The following ADGRL2 variants were observed in gnomAD, a reference collection of about 807,000 sequenced individuals.
ADGRL2 encodes the protein calcium-independent alpha-latrotoxin receptor 2.
A neutral mutation model predicts 157.4 loss-of-function variants in ADGRL2; 44 were observed. The ratio of observed to expected loss-of-function variants is 0.28; its 90% confidence interval spans 0.22 to 0.36. The LOEUF (loss-of-function observed/expected upper bound fraction) is 0.36, where lower values mean the gene tolerates loss of function less well. ADGRL2 is among the 10% of genes least tolerant of loss of function. The pLI, the probability that ADGRL2 is intolerant of heterozygous loss-of-function variation, is 1.00. For missense variants in ADGRL2, 1,510 were observed against 1,768.9 expected (o/e 0.85, Z 2.63); for synonymous variants, 585 against 624.7 (o/e 0.94, Z 0.95).
chr1:81,818,826 T>C (rs1557702705), intron 1 of ADGRL2, among the ~76,000 whole-genome samples: 1 of 151,694 alleles, frequency 6.6e-6, no homozygotes, highest in Non-Finnish European at 1.5e-5. Context: ...TCAAAATGAG[T>C]GGTATGGAAA....
chr1:81,969,170 A>C lies in ADGRL2; in HGVS notation c.2524-8A>C, dbSNP rs772906545. Reference sequence around the variant, plus strand: ...ATACTAATGTTCCTCATATCTTTTTATTTTCAGTATAAAGATGGCGTTCAT... The same window carrying C: ...ATACTAATGTTCCTCATATCTTTTTCTTTTCAGTATAAAGATGGCGTTCAT... On this transcript the variant is annotated splice_region_variant and splice_polypyrimidine_tract_variant and intron_variant, in intron 14 of 23. Coordinates refer to ENST00000686636, the MANE Select transcript of ADGRL2 (RefSeq NM_001366006.2). The C allele has an allele frequency of 6.2e-7, 1 of 1,601,052 alleles. No individual in the cohort carries two copies. Among genetic ancestry groups the C allele is most frequent in the South Asian group, 1.1e-5 (1 of 90,748 alleles).
At chr1:81,424,904 A>C (rs935558322) in intron 1 of ADGRL2, among the ~76,000 whole-genome samples, 1 of 152,204 alleles carries the variant, frequency 6.6e-6, no homozygotes, top group Admixed American at 6.5e-5. Flanking sequence ...AATTAATAAC[A>C]CTAGTAGCTA....
chr1:81,896,470 A>G (rs114022983), intron 2 of ADGRL2, among the ~76,000 whole-genome samples: 1,963 of 152,240 alleles, frequency 0.013, 44 homozygotes, highest in African/African-American at 0.044. Context: ...TGAAAATGTC[A>G]TCTTTGTCCT....
At chr1:81,431,914 T>C (rs910038751) in intron 1 of ADGRL2, among the ~76,000 whole-genome samples, 1 of 152,212 alleles carries the variant, frequency 6.6e-6, no homozygotes, top group Non-Finnish European at 1.5e-5. Context: ...ATTGGGCTTT[T>C]TACCTCTCTT....
chr1:81,413,968 A>G (rs2076992481), intron 1 of ADGRL2, among the ~76,000 whole-genome samples: 1 of 149,006 alleles, frequency 6.7e-6, no homozygotes, highest in Non-Finnish European at 1.5e-5. Context: ...AAAGTCGCCT[A>G]AAGACCAATT....
intron 1 of ADGRL2, among the ~76,000 whole-genome samples, chr1:81,408,781 T>C (rs1461196811): frequency 6.6e-6 from 1 of 152,206 alleles, no homozygotes; most frequent in African/African-American, 2.4e-5. Context: ...ATATCTCTGC[T>C]AAAGAAAACC....
chr1:81,880,026 C>CTAAA (rs959748942), intron 2 of ADGRL2, among the ~76,000 whole-genome samples: 7 of 152,082 alleles, frequency 4.6e-5, no homozygotes, highest in African/African-American at 1.2e-4. Flanking sequence ...GACATTGTAT[C>CTAAA]TAAATAAATA....
At chr1:81,865,398 TG>T (rs1292033519) in intron 2 of ADGRL2, among the ~76,000 whole-genome samples, 3 of 152,222 alleles carry the variant, frequency 2.0e-5, no homozygotes, top group Non-Finnish European at 4.4e-5. Flanking sequence ...AGCTATTTTT[TG>T]TCACTTTTAT....
rs957396751 is a variant in ADGRL2 at position 81,993,209 on chromosome 1, A to G, written c.*2064A>G. ...CTCCGCCTCCCAGGTTCTCAAACAG[A>G]TTTAACAATCCTCTGAGAATGGTAC... is the stretch of plus-strand genomic sequence containing the variant. On this transcript the variant is annotated 3_prime_UTR_variant, in exon 24 of 24. Transcript: ENST00000686636. Among the ~76,000 whole-genome samples, 29 of 145,342 alleles carry G rather than the reference A, an allele frequency of 2.0e-4. No homozygotes were observed. The highest frequency in any genetic ancestry group is 7.2e-4 in the African/African-American group (28 of 38,858).
Position 81,966,491 on chromosome 1 carries a change from T to C in ADGRL2, c.2231T>C (p.Phe744Ser). The change falls in exon 13 of 24, where the codon TTT becomes TCT. Residue 744 changes from phenylalanine (F) to serine (S), a missense_variant. Coordinates refer to ENST00000686636, the MANE Select transcript of ADGRL2 (RefSeq NM_001366006.2). The stretch of plus-strand genomic sequence containing the variant: ...GCAACCATTAAACTGGGTGCTGATT[T>C]TATTGGTCGTAATAGCACCATTGCA... ...ENATIKLGAD[F>S]IGRNSTIAVN... The C allele has an allele frequency of 6.2e-7, 1 of 1,614,046 alleles. No individual in the cohort carries two copies.
chr1:81,858,577 A>C (rs1312991037), intron 2 of ADGRL2, among the ~76,000 whole-genome samples: 1 of 152,160 alleles, frequency 6.6e-6, no homozygotes, highest in Non-Finnish European at 1.5e-5. Context: ...CCTAAACATG[A>C]CACATCCTTA....
chr1:81,414,956 T>G (rs2077008742), intron 1 of ADGRL2, among the ~76,000 whole-genome samples: 1 of 152,196 alleles, frequency 6.6e-6, no homozygotes. Flanking sequence ...TCCCATCTGG[T>G]TATTCATAAG....
chr1:81,378,863 C>T (rs184609638), intron 1 of ADGRL2, among the ~76,000 whole-genome samples: 90 of 152,174 alleles, frequency 5.9e-4, no homozygotes, highest in Non-Finnish European at 1.2e-3. Context: ...TTATAAATGA[C>T]GCTATAGATA....
In ADGRL2 at chr1:81,408,287, C is replaced by T. The variant is rs963158226; in HGVS notation, c.-301-36749C>T. On this transcript the variant is annotated intron_variant, in intron 1 of 24. Coordinates refer to the ADGRL2 transcript ENST00000370721. The stretch of plus-strand genomic sequence containing the variant: ...ATTACAGCAAAAACATAAGCAATCT[C>T]TCCTAGATGCACTGTAACACAGAAT... Among the ~76,000 whole-genome samples, 4 of 151,280 alleles carry T rather than the reference C, an allele frequency of 2.6e-5. No homozygotes were observed. The Admixed American group carries it at 2.6e-4, about 10-fold the overall frequency.
intron 17 of ADGRL2, among the ~76,000 whole-genome samples, chr1:81,976,111 G>A (rs868089582): frequency 1.3e-4 from 20 of 151,870 alleles, no homozygotes; most frequent in Admixed American, 3.3e-4. Flanking sequence ...TGTCATATAT[G>A]TTGGTGGTAA....
rs560843988 is a variant in ADGRL2 at position 81,914,072 on chromosome 1, A to T, written c.287+6842A>T. Among the ~76,000 whole-genome samples, 16 of 152,012 alleles carry T rather than the reference A, an allele frequency of 1.1e-4. No homozygotes were observed. The South Asian group carries it at 3.3e-3, about 32-fold the overall frequency. ...GAAGCCTCTCAGAATTTAATCAAGAAAATTCATTACAATGCACTCACAGTT... is the reference window on the plus strand; with the variant it reads ...GAAGCCTCTCAGAATTTAATCAAGATAATTCATTACAATGCACTCACAGTT... On this transcript the variant is annotated intron_variant, in intron 3 of 23. Transcript: ENST00000686636.
intron 2 of ADGRL2, among the ~76,000 whole-genome samples, chr1:81,858,835 G>T (rs552404675): frequency 2.0e-4 from 30 of 152,298 alleles, no homozygotes; most frequent in Non-Finnish European, 4.0e-4. Context: ...TGCGCCATTT[G>T]TAACTTAGAG....
At chr1:81,317,523 A>G (rs1004030828) in intron 1 of ADGRL2, among the ~76,000 whole-genome samples, 2 of 152,196 alleles carry the variant, frequency 1.3e-5, no homozygotes, top group African/African-American at 4.8e-5. Flanking sequence ...TGAGAGTTGT[A>G]TGTTGTATCA....
intron 2 of ADGRL2, among the ~76,000 whole-genome samples, chr1:81,537,708 T>A (rs549368480): frequency 2.7e-5 from 4 of 149,534 alleles, no homozygotes; most frequent in African/African-American, 9.8e-5. Context: ...TTTTCTCTCT[T>A]TTTTTTTTTA....
Sources: allele counts gnomAD v4.1 joint callset (sites outside exome capture counted in the v4.1 genomes callset), GRCh38; gene constraint gnomAD v4.1.1; transcripts MANE v1.5; gene names NCBI Gene and HGNC (gene_info 2026-07-23, HGNC 2026-07-21).